Variants in SUCLA2 observed in about 807,000 individuals in gnomAD.
The protein encoded by SUCLA2 is succinate-CoA ligase ADP-forming subunit beta, also known as succinate--CoA ligase [ADP-forming] subunit beta, mitochondrial.
Under a neutral mutation model 54.8 loss-of-function variants are expected in SUCLA2, and 30 were observed. That is an observed-to-expected ratio of 0.55 (90% CI 0.41 to 0.74). The LOEUF (loss-of-function observed/expected upper bound fraction) is 0.74, where lower values mean the gene tolerates loss of function less well. SUCLA2 is among the 30% of genes least tolerant of loss of function. The pLI is 0.00. For missense variants in SUCLA2, 476 were observed against 562.9 expected (o/e 0.85, Z 1.56); for synonymous variants, 172 against 188.9 (o/e 0.91, Z 0.74).
chr13:47,963,054 AGT>A (rs1949884327), intron 6 of SUCLA2, among the ~76,000 whole-genome samples: 1 of 13,090 alleles, frequency 7.6e-5, no homozygotes, highest in Non-Finnish European at 4.2e-4. Flanking sequence ...CCCTGGTTTT[AGT>A]CAGTCAGGGA....
intron 10 of SUCLA2, among the ~76,000 whole-genome samples, chr13:47,945,422 C>CAAAAAAAAAAAAA (rs10661341): frequency 4.0e-5 from 2 of 50,014 alleles, no homozygotes; most frequent in Non-Finnish European, 3.3e-5. Context: ...GACTCAGTCT[C>CAAAAAAAAAAAAA]AAAAAAAAAA....
chr13:47,948,922 T>G lies in SUCLA2; in HGVS notation c.1317+18A>C. ...TCTGTGTTTATAAATCCTCCTTAGA[T>G]GAACATGGCCAATTTACCATTCTAG... On this transcript the variant is annotated intron_variant, in intron 10 of 10. Coordinates refer to ENST00000646932, the MANE Select transcript of SUCLA2 (RefSeq NM_003850.3). 11 of 1,611,868 alleles carry G rather than the reference T, an allele frequency of 6.8e-6. No homozygotes were observed. The highest frequency in any genetic ancestry group is 8.5e-6 in the Non-Finnish European group (10 of 1,178,038).
rs772036810 is a variant in SUCLA2, at chr13:47,988,667, A to T, written c.408T>A (p.Ile136=). The T allele has an allele frequency of 1.2e-6, 2 of 1,613,884 alleles. No homozygotes were observed. The highest frequency in any genetic ancestry group is 1.7e-6 in the Non-Finnish European group (2 of 1,179,926). Residue 136 remains isoleucine, a synonymous_variant, in exon 4 of 11, where the codon ATT becomes ATA. Transcript: ENST00000646932. ...TTTGCTTGGTAAACAATTTTTTCCC[A>T]ATCATTTGTGAAGAAACAGCTTTTG... ...EEAKAVSSQM[I]GKKLFTKQTG... is the part of the protein sequence containing the mutation.
At chr13:47,974,664 A>T (rs987843124) in intron 4 of SUCLA2, among the ~76,000 whole-genome samples, 1 of 152,240 alleles carries the variant, frequency 6.6e-6, no homozygotes, top group Non-Finnish European at 1.5e-5. Context: ...GTCATGAACA[A>T]TATGAGAAGG....
chr13:47,997,151 T>C, intron 1 of SUCLA2, 128 bp from the exon 2 acceptor site: 4 of 958,650 alleles, frequency 4.2e-6, no homozygotes, highest in Non-Finnish European at 3.2e-6. Context: ...TCAGAGTACC[T>C]GAATTACAGC....
At chr13:47,954,965 C>T (rs1041274363) in intron 6 of SUCLA2, among the ~76,000 whole-genome samples, 2 of 152,074 alleles carry the variant, frequency 1.3e-5, no homozygotes, top group Non-Finnish European at 2.9e-5. Flanking sequence ...TGCCTCCCCC[C>T]ACCCCTTACC....
intron 2 of SUCLA2, among the ~76,000 whole-genome samples, chr13:47,995,832 A>G (rs1950186344): frequency 6.6e-6 from 1 of 152,224 alleles, no homozygotes; most frequent in Admixed American, 6.5e-5. Context: ...ATTTTCTGAA[A>G]TCAAAAATTA....
intron 4 of SUCLA2, among the ~76,000 whole-genome samples, chr13:47,974,096 A>AT (rs1949989628): frequency 6.6e-6 from 1 of 152,114 alleles, no homozygotes; most frequent in Non-Finnish European, 1.5e-5. Context: ...ATTAAAAAAA[A>AT]AAAGAAAAAA....
intron 8 of SUCLA2, among the ~76,000 whole-genome samples, 187 bp from the exon 9 acceptor site, chr13:47,949,790 T>C (rs1949762102): frequency 6.6e-6 from 1 of 152,224 alleles, no homozygotes; most frequent in Non-Finnish European, 1.5e-5. Flanking sequence ...CCAGAACTTA[T>C]TTCCATCTCC....
At chr13:47,972,128 G>A (rs1379917822) in intron 5 of SUCLA2, 2 of 333,446 alleles carry the variant, frequency 6.0e-6, no homozygotes, top group African/African-American at 2.1e-5. Flanking sequence ...GGTGACGTGC[G>A]CCTGTAGTCC....
chr13:47,984,553 T>A (rs575777485), intron 4 of SUCLA2, among the ~76,000 whole-genome samples: 42 of 152,240 alleles, frequency 2.8e-4, no homozygotes, highest in African/African-American at 7.7e-4. Context: ...GGTATTTTTT[T>A]AAATTTGCCT....
intron 3 of SUCLA2, 70 bp from the exon 4 acceptor site, chr13:47,988,773 A>C: frequency 1.3e-6 from 2 of 1,599,678 alleles, no homozygotes; most frequent in Non-Finnish European, 1.7e-6. Context: ...CATAATAGCC[A>C]AAATTTTATC....
intron 6 of SUCLA2, among the ~76,000 whole-genome samples, chr13:47,958,375 A>G (rs1057011701): frequency 6.6e-6 from 1 of 152,168 alleles, no homozygotes; most frequent in African/African-American, 2.4e-5. Flanking sequence ...ATACATGTCT[A>G]GATGTGTTTA....
chr13:47,964,888 A>C (rs1487944802), intron 6 of SUCLA2, among the ~76,000 whole-genome samples: 1 of 151,986 alleles, frequency 6.6e-6, no homozygotes, highest in Non-Finnish European at 1.5e-5. Context: ...GGTGAAGGGC[A>C]TGCAAGACTA....
intron 9 of SUCLA2, 133 bp downstream of exon 9, chr13:47,949,350 A>C (rs1417958378): frequency 1.1e-5 from 12 of 1,102,326 alleles, no homozygotes; most frequent in Non-Finnish European, 1.5e-5. Flanking sequence ...TAAAAACTAT[A>C]GTTTTAATTT....
rs780110935 is a variant in SUCLA2 at position 47,943,405 on chromosome 13, G to A, written c.1358C>T (p.Ala453Val). 7 of 1,613,834 alleles carry A rather than the reference G, an allele frequency of 4.3e-6. No homozygotes were observed. The highest frequency in any genetic ancestry group is 4.5e-5 in the East Asian group (2 of 44,822). Reference protein sequence around the residue: ...LSEIVTLAKQAHVDVKFQLPI With the variant: ...LSEIVTLAKQVHVDVKFQLPI ...CAACTGAAATTTCACATCCACATGT[G>A]CTTGCTTCGCTAAGGTCACTATTTC... Residue 453 changes from alanine (A) to valine (V), a missense_variant, in exon 11 of 11, where the codon GCA becomes GTA. By Grantham distance (64) the Ala-to-Val change is moderately conservative. Transcript: ENST00000646932.
chr13:47,954,224 A>G lies in SUCLA2; in HGVS notation c.1023T>C (p.Thr341=), dbSNP rs769529067. The G allele has an allele frequency of 6.2e-7, 1 of 1,613,960 alleles. No homozygotes were observed. ...CACCAACATCAAGGAAGTTGGCTGG[A>G]GTCCCTCCATGAAGTTTTATTATAT... is the stretch of plus-strand genomic sequence containing the variant. The part of the protein sequence containing the change: ...TMDIIKLHGG[T]PANFLDVGGG... Residue 341 remains threonine (T), a synonymous_variant, in exon 8 of 11, where the codon ACT becomes ACC. Coordinates refer to ENST00000646932, the MANE Select transcript of SUCLA2 (RefSeq NM_003850.3).
intron 1 of SUCLA2, among the ~76,000 whole-genome samples, chr13:47,998,275 T>C: frequency 8.1e-6 from 1 of 123,920 alleles, no homozygotes. Flanking sequence ...AGACCCTGTC[T>C]AAAAAAACAA....
intron 4 of SUCLA2, among the ~76,000 whole-genome samples, chr13:47,978,271 C>T (rs1950033938): frequency 6.6e-6 from 1 of 152,168 alleles, no homozygotes; most frequent in Non-Finnish European, 1.5e-5. Context: ...AGCTATACTA[C>T]AAGGCTACAG....
Sources: gnomAD v4.1 joint callset for allele counts (sites outside exome capture counted in the v4.1 genomes callset) on GRCh38, gnomAD v4.1.1 for gene constraint, MANE v1.5 for transcripts, NCBI Gene and HGNC (gene_info 2026-07-23, HGNC 2026-07-21) for gene names.